The following UBTD2 variants were observed in gnomAD, a reference collection of about 807,000 sequenced individuals.
UBTD2 encodes ubiquitin domain containing 2.
Under a neutral mutation model 19.8 loss-of-function variants are expected in UBTD2, and 9 were observed. The observed-to-expected ratio is 0.46, with a 90% CI of 0.27 to 0.79. UBTD2 has a LOEUF of 0.79. Among genes scored for constraint, UBTD2 ranks in the 30% least tolerant of loss-of-function variants. The pLI, the probability that UBTD2 is intolerant of heterozygous loss-of-function variation, is 0.14. For missense variants in UBTD2, 250 were observed against 300.4 expected, an observed-to-expected ratio of 0.83 and a Z score of 1.24; for synonymous variants, 98 against 103.9, an observed-to-expected ratio of 0.94 and a Z score of 0.35.
At chr5:172,277,707 AAACAACAAC>A (rs199911959) in intron 1 of UBTD2, among the ~76,000 whole-genome samples, 4 of 152,148 alleles carry the variant, frequency 2.6e-5, no homozygotes, top group South Asian at 4.2e-4. Context: ...CTCTATTAAA[AAACAACAAC>A]AACAACAACA....
At chr5:172,219,126 A>G (rs1771605642) in intron 2 of UBTD2, among the ~76,000 whole-genome samples, 1 of 152,270 alleles carries the variant, frequency 6.6e-6, no homozygotes, top group Non-Finnish European at 1.5e-5. Context: ...TATTAAAGAA[A>G]TTGAATCAAT....
intron 1 of UBTD2, among the ~76,000 whole-genome samples, chr5:172,246,284 A>T (rs1754881398): frequency 1.3e-5 from 2 of 152,100 alleles, no homozygotes; most frequent in South Asian, 4.1e-4. Context: ...AGAAACATTT[A>T]AACAATCCAA....
intron 1 of UBTD2, among the ~76,000 whole-genome samples, chr5:172,251,438 G>A (rs1755015842): frequency 7.9e-6 from 1 of 127,148 alleles, no homozygotes; most frequent in African/African-American, 3.1e-5. Context: ...AAACAACACT[G>A]CCCCAAGACA....
Position 172,283,669 on chromosome 5 carries a change from G to C in UBTD2, c.-4C>G. ...GGGCGCCCACACACCCGCCCATGGGGGCCCCCGGCGCCTCGTCCGCCACCT... is the reference window on the plus strand; with the variant it reads ...GGGCGCCCACACACCCGCCCATGGGCGCCCCCGGCGCCTCGTCCGCCACCT... On this transcript the variant is annotated 5_prime_UTR_variant, in exon 1 of 3. Transcript: ENST00000393792. This position sits in a 1 kb window ranked among gnomAD's most constrained non-coding sequence, Gnocchi z 4.3. The C allele has an allele frequency of 8.1e-7, 1 of 1,236,636 alleles. No homozygotes were observed. Among genetic ancestry groups the C allele is most frequent in the Non-Finnish European group, 1.0e-6 (1 of 986,164 alleles). The allele number at this position is 1,236,636 out of a possible 1,614,324, so 76.6% of individuals were successfully genotyped here. A position where few individuals can be genotyped will look rare whatever the true frequency, so the allele number is the denominator to read the frequency against.
chr5:172,265,642 CTT>C (rs1187365824), intron 1 of UBTD2, among the ~76,000 whole-genome samples: 4 of 151,940 alleles, frequency 2.6e-5, no homozygotes, highest in African/African-American at 4.8e-5. Flanking sequence ...GAGTAGTAAA[CTT>C]TTCATTCTCC....
At chr5:172,238,391 G>A (rs1029036294) in intron 1 of UBTD2, among the ~76,000 whole-genome samples, 1 of 152,066 alleles carries the variant, frequency 6.6e-6, no homozygotes, top group African/African-American at 2.4e-5. Context: ...TAACATATGA[G>A]AAATAAAAAA....
In UBTD2 at chr5:172,244,295, G is replaced by GTTTTTT. The variant is rs1191361417; in HGVS notation, c.71-9943_71-9938dup. ...CAAGACTGTTTCCCCTTTCCTCCCA[G>GTTTTTT]TTTTTTTTTTTTTTTTTTGAGACAG... is the stretch of plus-strand genomic sequence containing the variant. On this transcript the variant is annotated intron_variant, in intron 1 of 2. Transcript: ENST00000393792. Among the ~76,000 whole-genome samples the GTTTTTT allele has an allele frequency of 6.9e-3, 873 of 126,008 alleles. 31 individuals are homozygous for GTTTTTT. The highest frequency in any genetic ancestry group is 0.025 in the African/African-American group (823 of 33,076). 82.7% of individuals were successfully genotyped at this position (126,008 alleles called of 152,430 possible). A position where few individuals can be genotyped will look rare whatever the true frequency, so the allele number is the denominator to read the frequency against.
intron 2 of UBTD2, among the ~76,000 whole-genome samples, chr5:172,233,228 T>C (rs540468533): frequency 3.3e-5 from 5 of 152,316 alleles, no homozygotes; most frequent in East Asian, 1.9e-4. Context: ...TCTAAGAATG[T>C]AGATAAAGGG....
At chr5:172,266,501 C>T (rs1755377547) in intron 1 of UBTD2, among the ~76,000 whole-genome samples, 1 of 152,208 alleles carries the variant, frequency 6.6e-6, no homozygotes. Flanking sequence ...CACATCTCAT[C>T]CACCGGCCCC....
At chr5:172,221,664 T>C (rs1353872320) in intron 2 of UBTD2, among the ~76,000 whole-genome samples, 5 of 151,886 alleles carry the variant, frequency 3.3e-5, no homozygotes, top group South Asian at 2.1e-4. Flanking sequence ...ATGAAGACAA[T>C]AAAAAAGGTC....
intron 1 of UBTD2, among the ~76,000 whole-genome samples, chr5:172,234,870 T>C (rs899550877): frequency 2.9e-5 from 2 of 70,112 alleles, no homozygotes; most frequent in African/African-American, 1.1e-4. Flanking sequence ...ATCATGCCAC[T>C]GCACTTCAGC....
chr5:172,264,779 G>A (rs965406170), intron 1 of UBTD2, among the ~76,000 whole-genome samples: 20 of 152,106 alleles, frequency 1.3e-4, no homozygotes, highest in African/African-American at 4.6e-4. Context: ...AGAAGGCTGA[G>A]GTGAGAAGAT....
chr5:172,251,327 G>GAAAAAAAAAAAAAAAAAAAA (rs1554129191), intron 1 of UBTD2, among the ~76,000 whole-genome samples: 3 of 104,896 alleles, frequency 2.9e-5, no homozygotes, highest in African/African-American at 7.4e-5. Context: ...AAAAAAAAAA[G>GAAAAAAAAAAAAAAAAAAAA]AAAATAGCCA....
chr5:172,283,703 T>C lies in UBTD2; in HGVS notation c.-38A>G. On this transcript the variant is annotated 5_prime_UTR_variant, in exon 1 of 3. Coordinates refer to ENST00000393792, the MANE Select transcript of UBTD2 (RefSeq NM_152277.3). The surrounding 1 kb of genome is among the most constrained non-coding windows in gnomAD (Gnocchi z 4.3). ...CGCCTCGTCCGCCACCTCCGGACGC[T>C]CGTCCGGGCCCGCCGCCGCCGCCGC... 8.3e-7 allele frequency: 1 copy of C among 1,207,006 alleles called. No homozygotes were observed. Among genetic ancestry groups the C allele is most frequent in the Non-Finnish European group, 1.0e-6 (1 of 969,258 alleles). The allele number at this position is 1,207,006 out of a possible 1,614,324, so 74.8% of individuals were successfully genotyped here.
chr5:172,283,643 T>C lies in UBTD2; in HGVS notation c.23A>G (p.Gln8Arg). 1 of 1,275,122 alleles carries C rather than the reference T, an allele frequency of 7.8e-7. No homozygotes were observed. The highest frequency in any genetic ancestry group is 1.0e-6 in the Non-Finnish European group (1 of 1,002,964). The allele number at this position is 1,275,122 out of a possible 1,614,324, so 79.0% of individuals were successfully genotyped here. The change falls in exon 1 of 3, where the codon CAG becomes CGG. Residue 8 changes from glutamine (Q) to arginine (R), a missense_variant. Coordinates refer to ENST00000393792, the MANE Select transcript of UBTD2 (RefSeq NM_152277.3). The surrounding 1 kb of genome is among the most constrained non-coding windows in gnomAD (Gnocchi z 4.3). MGGCVGA[Q>R]HDSSGSLNEN... ...GTTGAGGCTGCCCGAGGAGTCGTGC[T>C]GGGCGCCCACACACCCGCCCATGGG...
At chr5:172,251,227 G>A (rs1350621648) in intron 1 of UBTD2, among the ~76,000 whole-genome samples, 1 of 148,728 alleles carries the variant, frequency 6.7e-6, no homozygotes, top group Non-Finnish European at 1.5e-5. Flanking sequence ...GCTGAGGCAG[G>A]AGAATGGCCT....
intron 1 of UBTD2, among the ~76,000 whole-genome samples, chr5:172,234,917 A>T (rs796188768): frequency 2.0e-5 from 3 of 152,216 alleles, no homozygotes; most frequent in African/African-American, 7.2e-5. Flanking sequence ...AACAAAACAA[A>T]ACAAAACTAA....
At chr5:172,219,019 TAC>T (rs1771603670) in intron 2 of UBTD2, among the ~76,000 whole-genome samples, 1 of 152,102 alleles carries the variant, frequency 6.6e-6, no homozygotes, top group Non-Finnish European at 1.5e-5. Flanking sequence ...ACTCTATGCC[TAC>T]ACATTTGATA....
intron 1 of UBTD2, chr5:172,254,750 C>G: frequency 2.5e-6 from 1 of 407,960 alleles, no homozygotes; most frequent in Non-Finnish European, 4.3e-6. Flanking sequence ...ACACTGAGTT[C>G]ATTAAGGGGG....
Sources: allele counts gnomAD v4.1 joint callset (sites outside exome capture counted in the v4.1 genomes callset), GRCh38; gene constraint gnomAD v4.1.1; non-coding constraint Gnocchi (gnomAD v3.1); transcripts MANE v1.5; gene names NCBI Gene and HGNC (gene_info 2026-07-23, HGNC 2026-07-21).